WDPCP: variants seen among roughly 807,000 people sequenced by gnomAD.
WDPCP encodes the protein WD repeat containing planar cell polarity effector, also known as WD repeat-containing and planar cell polarity effector protein fritz homolog.
Under a neutral mutation model 93.1 loss-of-function variants are expected in WDPCP, and 71 were observed. The observed-to-expected ratio is 0.76, with a 90% CI of 0.63 to 0.93. WDPCP has a LOEUF of 0.93. Among genes scored for constraint, WDPCP ranks in the 40% least tolerant of loss-of-function variants. The pLI, the probability that WDPCP is intolerant of heterozygous loss-of-function variation, is 0.00. For synonymous variants in WDPCP, 315 were observed against 315.0 expected, an observed-to-expected ratio of 1.00 and a Z score of 0.00; for missense variants, 844 against 887.4, an observed-to-expected ratio of 0.95 and a Z score of 0.62.
intron 14 of WDPCP, among the ~76,000 whole-genome samples, chr2:63,185,985 A>T (rs1394489786): frequency 6.6e-6 from 1 of 152,136 alleles, no homozygotes; most frequent in Non-Finnish European, 1.5e-5. Context: ...CAGTCACCAA[A>T]TGCCTGGAGA....
At chr2:63,826,202 T>A (rs1671111653) in intron 1 of WDPCP, among the ~76,000 whole-genome samples, 1 of 152,178 alleles carries the variant, frequency 6.6e-6, no homozygotes, top group South Asian at 2.1e-4. Context: ...CTTCTTATAA[T>A]AGGATACAGG....
chr2:63,622,112 A>C, intron 3 of WDPCP: 6 of 1,390,450 alleles, frequency 4.3e-6, no homozygotes, highest in Admixed American at 2.5e-5. Context: ...GATAAAGTAC[A>C]ATGGAGGGAG....
chr2:63,709,472 C>A lies in WDPCP; in HGVS notation n.309-58634G>T, dbSNP rs138464397. The stretch of plus-strand genomic sequence containing the variant: ...TCTAGTCATGGGTGGTATTGGATTA[C>A]GCTATGAAAAATATTCCCAATAAAT... On this transcript the variant is annotated intron_variant and non_coding_transcript_variant, in intron 2 of 4. Coordinates refer to the WDPCP transcript ENST00000467687. 5.9e-5 allele frequency among the ~76,000 whole-genome samples: 9 copies of A among 152,192 alleles called. No homozygotes were observed. In the East Asian group the frequency reaches 1.5e-3, roughly 26 times the overall value.
chr2:63,773,486 G>C (rs1670259733), intron 2 of WDPCP, among the ~76,000 whole-genome samples: 1 of 152,024 alleles, frequency 6.6e-6, no homozygotes, highest in African/African-American at 2.4e-5. Context: ...TGAGGTGCCA[G>C]TAGTGCCTTA....
rs534445245 is a variant in WDPCP at position 63,818,525 on chromosome 2, T to C, written n.223-4818A>G. Among the ~76,000 whole-genome samples, 6 of 152,250 alleles carry C rather than the reference T, an allele frequency of 3.9e-5. No individual in the cohort carries two copies. The East Asian group carries it at 1.2e-3, about 29-fold the overall frequency. On this transcript the variant is annotated intron_variant and non_coding_transcript_variant, in intron 1 of 4. Coordinates refer to the WDPCP transcript ENST00000467687. ...TACTAAGAAAACATATACTGAATTCTTGAATTAGGAGAGTGACAGTGGGAA... is the reference window on the plus strand; with the variant it reads ...TACTAAGAAAACATATACTGAATTCCTGAATTAGGAGAGTGACAGTGGGAA...
chr2:63,476,960 C>T (rs770236771), intron 6 of WDPCP, among the ~76,000 whole-genome samples: 1 of 152,050 alleles, frequency 6.6e-6, no homozygotes, highest in Non-Finnish European at 1.5e-5. Flanking sequence ...TTTAGTTGAC[C>T]TTTTATGATT....
chr2:63,466,368 T>C (rs998088590), intron 6 of WDPCP, among the ~76,000 whole-genome samples: 9 of 152,198 alleles, frequency 5.9e-5, no homozygotes, highest in African/African-American at 1.4e-4. Flanking sequence ...AAGTACCTTA[T>C]GTGTTTTCTC....
chr2:63,776,074 TATACATACATAC>T (rs59262674), intron 2 of WDPCP, among the ~76,000 whole-genome samples: 33,215 of 146,764 alleles, frequency 0.23, 5,001 homozygotes, highest in East Asian at 0.75. Context: ...TAAATACACA[TATACATACATAC>T]ATACATACAT....
At chr2:63,181,338 T>G (rs1263027258) in intron 14 of WDPCP, among the ~76,000 whole-genome samples, 1 of 152,106 alleles carries the variant, frequency 6.6e-6, no homozygotes, top group African/African-American at 2.4e-5. Context: ...GGTCTTACAT[T>G]TAAGCTTTTA....
chr2:63,659,403 A>C (rs1238414846), intron 2 of WDPCP, among the ~76,000 whole-genome samples: 1 of 152,236 alleles, frequency 6.6e-6, no homozygotes, highest in African/African-American at 2.4e-5. Flanking sequence ...AGCATCTTAA[A>C]AGGAGAAGCT....
At chr2:63,153,884 C>G (rs1226779708) in intron 15 of WDPCP, among the ~76,000 whole-genome samples, 2 of 151,894 alleles carry the variant, frequency 1.3e-5, no homozygotes, top group East Asian at 3.9e-4. Flanking sequence ...GAGAAACAAT[C>G]ATGGAAACCA....
chr2:63,291,747 T>A (rs182372635), intron 13 of WDPCP, among the ~76,000 whole-genome samples: 7 of 151,152 alleles, frequency 4.6e-5, no homozygotes, highest in Non-Finnish European at 1.0e-4. Context: ...AGGCAGAGGT[T>A]GCAGTGAGCT....
intron 14 of WDPCP, among the ~76,000 whole-genome samples, chr2:63,180,374 T>C (rs139852736): frequency 1.3e-5 from 2 of 152,304 alleles, no homozygotes; most frequent in East Asian, 1.9e-4. Context: ...CCAGTGTCCA[T>C]TATTCCATAC....
At chr2:63,422,176 A>AGGTGT (rs1445805698) in intron 9 of WDPCP, among the ~76,000 whole-genome samples, 1 of 152,186 alleles carries the variant, frequency 6.6e-6, no homozygotes, top group African/African-American at 2.4e-5. Context: ...GACTAATTCC[A>AGGTGT]GGTGTGGGGC....
At chr2:63,487,682 A>G (rs966932053) in intron 2 of WDPCP, among the ~76,000 whole-genome samples, 188 bp from the exon 3 acceptor site, 1 of 152,072 alleles carries the variant, frequency 6.6e-6, no homozygotes, top group Non-Finnish European at 1.5e-5. Flanking sequence ...CAGAAACTGG[A>G]AAGTTTATCA....
At chr2:63,128,215 T>C (rs563843541) in intron 17 of WDPCP, among the ~76,000 whole-genome samples, 4 of 152,112 alleles carry the variant, frequency 2.6e-5, no homozygotes, top group Non-Finnish European at 5.9e-5. Flanking sequence ...ACAATGTAGA[T>C]AGGTAACTAC....
At chr2:63,620,058 C>T (rs931573400) in intron 3 of WDPCP, among the ~76,000 whole-genome samples, 1 of 152,204 alleles carries the variant, frequency 6.6e-6, no homozygotes, top group African/African-American at 2.4e-5. Context: ...GTGCCTACAC[C>T]ACCAGGGCCC....
intron 2 of WDPCP, among the ~76,000 whole-genome samples, chr2:63,722,713 C>T (rs1291734191): frequency 2.0e-5 from 3 of 147,734 alleles, no homozygotes; most frequent in African/African-American, 7.5e-5. Context: ...GTGAGGGGCG[C>T]CTCTGCCCGG....
chr2:63,795,823 T>C (rs538777521), intron 2 of WDPCP, among the ~76,000 whole-genome samples: 6 of 152,330 alleles, frequency 3.9e-5, no homozygotes, highest in Non-Finnish European at 8.8e-5. Flanking sequence ...TTACTAACCA[T>C]GTATGATACT....
Sources: allele counts gnomAD v4.1 joint callset (sites outside exome capture counted in the v4.1 genomes callset), GRCh38; gene constraint gnomAD v4.1.1; transcripts MANE v1.5; gene names NCBI Gene and HGNC (gene_info 2026-07-23, HGNC 2026-07-21).